Variants in CNTNAP2 observed in about 807,000 individuals in gnomAD.
CNTNAP2 encodes the protein contactin-associated protein-like 2.
A neutral mutation model predicts 155.2 loss-of-function variants in CNTNAP2; 98 were observed. The ratio of observed to expected loss-of-function variants is 0.63; its 90% CI spans 0.54 to 0.75. The LOEUF (loss-of-function observed/expected upper bound fraction) is 0.75, where lower values mean the gene tolerates loss of function less well. Ranked by LOEUF, CNTNAP2 falls within the 30% of genes least tolerant of loss-of-function variation. The pLI is 0.00. For missense variants in CNTNAP2, 1,727 were observed against 1,688.1 expected (o/e 1.02, Z -0.40); for synonymous variants, 651 against 631.2 (o/e 1.03, Z -0.47).
intron 1 of CNTNAP2, among the ~76,000 whole-genome samples, chr7:146,519,098 A>T (rs1797580603): frequency 6.6e-6 from 1 of 151,928 alleles, no homozygotes; most frequent in Admixed American, 6.6e-5. Flanking sequence ...TTCCTTCAGG[A>T]AAATGACTAT....
At chr7:147,978,379 G>A (rs960770737) in intron 15 of CNTNAP2, among the ~76,000 whole-genome samples, 49 of 152,114 alleles carry the variant, frequency 3.2e-4, no homozygotes, top group African/African-American at 1.2e-3. Flanking sequence ...GATATAAATA[G>A]TAGCATTATG....
chr7:148,335,677 T>C (rs1430930035), intron 21 of CNTNAP2, among the ~76,000 whole-genome samples: 1 of 152,154 alleles, frequency 6.6e-6, no homozygotes, highest in Non-Finnish European at 1.5e-5. Flanking sequence ...AATCATCCCC[T>C]AAAAGAAATG....
chr7:147,515,140 C>T (rs1000042027), intron 11 of CNTNAP2, among the ~76,000 whole-genome samples: 1 of 151,998 alleles, frequency 6.6e-6, no homozygotes, highest in African/African-American at 2.4e-5. Flanking sequence ...CAGGGCATGG[C>T]GTGTGCTGTT....
chr7:147,545,740 C>A (rs1799717581), intron 11 of CNTNAP2, among the ~76,000 whole-genome samples: 1 of 152,250 alleles, frequency 6.6e-6, no homozygotes, highest in African/African-American at 2.4e-5. Flanking sequence ...TGAAAAGCAA[C>A]TTTTAAAACC....
intron 8 of CNTNAP2, among the ~76,000 whole-genome samples, chr7:147,134,378 A>G (rs561773150): frequency 6.6e-6 from 1 of 152,078 alleles, no homozygotes; most frequent in South Asian, 2.1e-4. Flanking sequence ...AATGGACTGA[A>G]GAGTTTTTGT....
At chr7:147,560,474 G>A (rs567871821) in intron 11 of CNTNAP2, among the ~76,000 whole-genome samples, 1 of 152,068 alleles carries the variant, frequency 6.6e-6, no homozygotes, top group Admixed American at 6.6e-5. Flanking sequence ...AATTAGAGCA[G>A]CCGTGTAGTT....
In CNTNAP2 at chr7:148,307,109, C is replaced by T. The variant is rs575161231; in HGVS notation, c.3475+39983C>T. On this transcript the variant is annotated intron_variant, in intron 21 of 23. Transcript: ENST00000361727. Reference sequence around the variant, plus strand: ...TCACAGCTAAGAAGGAAGAGGACTGCGAGGTTCAAGATTCAGTGTGTAAAT... The same window carrying T: ...TCACAGCTAAGAAGGAAGAGGACTGTGAGGTTCAAGATTCAGTGTGTAAAT... 8.6e-4 allele frequency among the ~76,000 whole-genome samples: 131 copies of T among 152,200 alleles called. 3 individuals carry two copies. In the South Asian group the frequency reaches 0.021, roughly 24 times the overall value.
chr7:146,366,051 G>C (rs545751909), intron 1 of CNTNAP2, among the ~76,000 whole-genome samples: 49 of 152,090 alleles, frequency 3.2e-4, no homozygotes, highest in African/African-American at 1.2e-3. Context: ...CATATAATTT[G>C]CTGTGTCAGA....
chr7:147,673,536 A>T (rs986159207), intron 13 of CNTNAP2, among the ~76,000 whole-genome samples: 3 of 152,200 alleles, frequency 2.0e-5, no homozygotes, highest in Non-Finnish European at 4.4e-5. Flanking sequence ...TAGCTATATA[A>T]GAAAAAAACC....
chr7:147,150,777 A>T (rs967281913), intron 8 of CNTNAP2, among the ~76,000 whole-genome samples: 4 of 152,234 alleles, frequency 2.6e-5, no homozygotes, highest in Non-Finnish European at 5.9e-5. Flanking sequence ...TACAAAAAAC[A>T]GAACAAGACG....
At chr7:148,035,186 A>G (rs1802549580) in intron 15 of CNTNAP2, among the ~76,000 whole-genome samples, 1 of 152,238 alleles carries the variant, frequency 6.6e-6, no homozygotes, top group East Asian at 1.9e-4. Flanking sequence ...TGGCCTGGCC[A>G]TGTAATGAAC....
At chr7:146,864,535 T>C (rs1303632422) in intron 3 of CNTNAP2, among the ~76,000 whole-genome samples, 1 of 152,190 alleles carries the variant, frequency 6.6e-6, no homozygotes, top group Non-Finnish European at 1.5e-5. Context: ...GATATGTTTT[T>C]ACATTTTATT....
chr7:147,562,635 C>T (rs1453775617), intron 12 of CNTNAP2, among the ~76,000 whole-genome samples: 2 of 152,190 alleles, frequency 1.3e-5, no homozygotes, highest in African/African-American at 4.8e-5. Flanking sequence ...GCTTTTAGAT[C>T]GTGACAGACC....
intron 15 of CNTNAP2, among the ~76,000 whole-genome samples, chr7:148,087,862 A>G (rs1357389977): frequency 2.6e-5 from 4 of 152,174 alleles, no homozygotes; most frequent in Admixed American, 1.3e-4. Flanking sequence ...GATGGAAAAT[A>G]CAAGTTATTT....
At chr7:146,890,387 A>T (rs897564467) in intron 3 of CNTNAP2, among the ~76,000 whole-genome samples, 1 of 152,204 alleles carries the variant, frequency 6.6e-6, no homozygotes, top group Non-Finnish European at 1.5e-5. Context: ...AGTAGACCAG[A>T]TGGAGAATCC....
chr7:147,474,938 T>A (rs1563218947), intron 10 of CNTNAP2, among the ~76,000 whole-genome samples: 1 of 152,170 alleles, frequency 6.6e-6, no homozygotes, highest in East Asian at 1.9e-4. Flanking sequence ...AATTCACTAT[T>A]CACACAACAG....
intron 13 of CNTNAP2, among the ~76,000 whole-genome samples, chr7:147,755,169 G>C (rs1466328618): frequency 6.6e-6 from 1 of 152,184 alleles, no homozygotes; most frequent in Non-Finnish European, 1.5e-5. Flanking sequence ...GACAGCTTAA[G>C]TGTATGAGTG....
chr7:146,154,469 C>T (rs1798096115), intron 1 of CNTNAP2, among the ~76,000 whole-genome samples: 1 of 152,158 alleles, frequency 6.6e-6, no homozygotes. Flanking sequence ...CAGCATGATA[C>T]AGGCACAGCT....
intron 1 of CNTNAP2, among the ~76,000 whole-genome samples, chr7:146,268,300 T>C (rs1451753308): frequency 2.6e-5 from 4 of 152,198 alleles, no homozygotes; most frequent in Non-Finnish European, 5.9e-5. Flanking sequence ...TGCTGAATCT[T>C]GTCCTCTGCC....
Sources: allele counts gnomAD v4.1 joint callset (sites outside exome capture counted in the v4.1 genomes callset), GRCh38; gene constraint gnomAD v4.1.1; transcripts MANE v1.5; gene names NCBI Gene and HGNC (gene_info 2026-07-23, HGNC 2026-07-21).